Variants in CRIM1 observed in about 807,000 individuals in gnomAD.
The protein encoded by CRIM1 is cysteine rich transmembrane BMP regulator 1.
In CRIM1, 32 loss-of-function variants were observed where a neutral mutation model predicts 116.4. The ratio of observed to expected loss-of-function variants is 0.27; its 90% CI spans 0.21 to 0.37. The LOEUF (loss-of-function observed/expected upper bound fraction) is 0.37. Ranked by LOEUF, CRIM1 falls within the 10% of genes least tolerant of loss-of-function variation. CRIM1 has a pLI of 1.00. For synonymous variants in CRIM1, 590 were observed against 509.2 expected, an observed-to-expected ratio of 1.16 and a Z score of -2.13; for missense variants, 1,331 against 1,354.8, an observed-to-expected ratio of 0.98 and a Z score of 0.28.
At chr2:36,492,068 C>T (rs116487435) in intron 7 of CRIM1, among the ~76,000 whole-genome samples, 198 of 152,132 alleles carry the variant, frequency 1.3e-3, no homozygotes, top group Middle Eastern at 3.4e-3. Context: ...CCATCTTTTC[C>T]TATTAAATAT....
At chr2:36,518,368 T>G (rs1665163967) in intron 12 of CRIM1, among the ~76,000 whole-genome samples, 1 of 152,250 alleles carries the variant, frequency 6.6e-6, no homozygotes, top group South Asian at 2.1e-4. Flanking sequence ...CTAAACATAT[T>G]CTTAGAGCAT....
intron 8 of CRIM1, among the ~76,000 whole-genome samples, chr2:36,502,040 G>A (rs1313919579): frequency 1.3e-5 from 2 of 152,034 alleles, no homozygotes; most frequent in African/African-American, 4.8e-5. Context: ...CTTAACATGG[G>A]ATCATATATA....
chr2:36,400,920 C>T (rs981360800), intron 2 of CRIM1, among the ~76,000 whole-genome samples: 2 of 152,002 alleles, frequency 1.3e-5, no homozygotes, highest in Admixed American at 1.3e-4. Context: ...CTAGTTAAAG[C>T]CTCCTTTTAG....
intron 2 of CRIM1, among the ~76,000 whole-genome samples, chr2:36,427,778 G>A (rs879897474): frequency 1.3e-5 from 2 of 152,210 alleles, no homozygotes; most frequent in Non-Finnish European, 1.5e-5. Context: ...CCAGCCCCAA[G>A]ACCCTTGGTG....
intron 2 of CRIM1, among the ~76,000 whole-genome samples, chr2:36,438,242 C>T (rs926082836): frequency 7.9e-5 from 12 of 151,602 alleles, no homozygotes; most frequent in African/African-American, 2.9e-4. Context: ...TTATTACATA[C>T]TAAATATTTT....
intron 1 of CRIM1, among the ~76,000 whole-genome samples, chr2:36,368,297 T>A (rs1669728030): frequency 6.6e-6 from 1 of 152,212 alleles, no homozygotes; most frequent in Admixed American, 6.5e-5. Context: ...CCCTCACCTC[T>A]GTGTACAGCT....
chr2:36,443,237 C>G (rs1277720069), intron 4 of CRIM1, among the ~76,000 whole-genome samples: 3 of 152,186 alleles, frequency 2.0e-5, no homozygotes, highest in Admixed American at 1.3e-4. Context: ...AAACACATCT[C>G]TCTTTGGCTT....
chr2:36,535,423 T>G (rs1299786558), intron 13 of CRIM1, among the ~76,000 whole-genome samples: 1 of 152,214 alleles, frequency 6.6e-6, no homozygotes, highest in Non-Finnish European at 1.5e-5. Context: ...AAATGAGTTT[T>G]TAGCCTAATA....
Position 36,551,049 on chromosome 2 carries a change from T to C in CRIM1, c.*2348T>C, listed in dbSNP as rs1194902149. 1 of 152,484 alleles carries C rather than the reference T, an allele frequency of 6.6e-6. No individual in the cohort carries two copies. Among genetic ancestry groups the C allele is most frequent in the Non-Finnish European group, 1.5e-5 (1 of 68,042 alleles). 9.4% of individuals were successfully genotyped at this position (152,484 alleles called of 1,614,324 possible). On this transcript the variant is annotated 3_prime_UTR_variant, in exon 17 of 17. Coordinates refer to ENST00000280527, the MANE Select transcript of CRIM1 (RefSeq NM_016441.3). ...CTTGGAGTGCATCATAGTTCTACAG[T>C]TTGTTTTTGTTTTCTTCAAAAAAGC...
At chr2:36,483,368 T>C (rs72866819) in intron 7 of CRIM1, among the ~76,000 whole-genome samples, 3,467 of 152,296 alleles carry the variant, frequency 0.023, 126 homozygotes, top group African/African-American at 0.076. Flanking sequence ...TTGTAACCCT[T>C]AATGACAGTG....
chr2:36,478,878 C>T (rs1478015799), intron 6 of CRIM1, among the ~76,000 whole-genome samples: 1 of 151,884 alleles, frequency 6.6e-6, no homozygotes, highest in African/African-American at 2.4e-5. Context: ...TTCTGTCTCC[C>T]ACCTGGGGCT....
At position 36,390,360 on chromosome 2, in the gene CRIM1, C is replaced by T. The variant is rs576518973; in HGVS notation, c.332-6254C>T. On this transcript the variant is annotated intron_variant, in intron 1 of 16. Transcript: ENST00000280527. ...AGAGGATAAATGCAAACAATAAGAA[C>T]TCAAATAAAAATACTGGCCCAGGTG... Among the ~76,000 whole-genome samples, 44 of 152,286 alleles carry T rather than the reference C, an allele frequency of 2.9e-4. No individual in the cohort carries two copies. The South Asian group carries it at 8.7e-3, about 30-fold the overall frequency.
chr2:36,391,156 G>C (rs1214720173), intron 1 of CRIM1, among the ~76,000 whole-genome samples: 5 of 105,932 alleles, frequency 4.7e-5, no homozygotes, highest in Non-Finnish European at 7.0e-5. Context: ...TTGAGTTGGA[G>C]TCTTGCTCTG....
chr2:36,483,463 G>C (rs144401927), intron 7 of CRIM1, among the ~76,000 whole-genome samples: 1 of 152,124 alleles, frequency 6.6e-6, no homozygotes, highest in Non-Finnish European at 1.5e-5. Context: ...GCATCCCTTC[G>C]GTATGGGTGC....
intron 7 of CRIM1, among the ~76,000 whole-genome samples, chr2:36,498,068 C>T (rs1249432736): frequency 1.3e-5 from 2 of 152,204 alleles, no homozygotes; most frequent in Admixed American, 6.5e-5. Context: ...TAGAGACATT[C>T]TATACTCAGC....
chr2:36,528,000 T>G (rs1665868048), intron 13 of CRIM1, among the ~76,000 whole-genome samples: 1 of 152,214 alleles, frequency 6.6e-6, no homozygotes, highest in Non-Finnish European at 1.5e-5. Context: ...TTTCCTCATC[T>G]ATAAGATGGC....
At position 36,363,926 on chromosome 2, in the gene CRIM1, C is replaced by G. The variant is rs79256411; in HGVS notation, c.331+7303C>G. On this transcript the variant is annotated intron_variant, in intron 1 of 16. Coordinates refer to ENST00000280527, the MANE Select transcript of CRIM1 (RefSeq NM_016441.3). The stretch of plus-strand genomic sequence containing the variant: ...ACCAGAAGTCAGAGGATTATCCATT[C>G]CTCTTGTTCTTTTTCTAGCTCTACC... Among the ~76,000 whole-genome samples, 1,521 of 152,246 alleles carry G rather than the reference C, an allele frequency of 1.0e-2. 31 individuals are homozygous for G. The highest frequency in any genetic ancestry group is 0.035 in the African/African-American group (1,451 of 41,534).
chr2:36,542,933 G>A (rs1435164719), intron 14 of CRIM1, among the ~76,000 whole-genome samples: 1 of 152,126 alleles, frequency 6.6e-6, no homozygotes, highest in Non-Finnish European at 1.5e-5. Flanking sequence ...ATTCTGATAT[G>A]ATTTTTAAAA....
intron 1 of CRIM1, among the ~76,000 whole-genome samples, chr2:36,374,480 C>G (rs147463955): frequency 3.9e-5 from 6 of 152,186 alleles, no homozygotes; most frequent in African/African-American, 1.2e-4. Context: ...CCTAGTCTTA[C>G]TCTGTAGACA....
Sources: gnomAD v4.1 joint callset for allele counts (sites outside exome capture counted in the v4.1 genomes callset) on GRCh38, gnomAD v4.1.1 for gene constraint, MANE v1.5 for transcripts, NCBI Gene and HGNC (gene_info 2026-07-23, HGNC 2026-07-21) for gene names.